Variants in B3GALNT1 observed in about 807,000 individuals in gnomAD.
B3GALNT1 encodes beta-1,3-N-acetylgalactosaminyltransferase 1 (Globoside blood group).
Under a neutral mutation model 27.3 loss-of-function variants are expected in B3GALNT1, and 17 were observed. The observed-to-expected ratio is 0.62, with a 90% confidence interval of 0.43 to 0.94. The LOEUF (loss-of-function observed/expected upper bound fraction) is 0.94. Ranked by LOEUF, B3GALNT1 falls within the 40% of genes least tolerant of loss-of-function variation. B3GALNT1 has a pLI of 0.00. For missense variants in B3GALNT1, 347 were observed against 390.0 expected (o/e 0.89, Z 0.93); for synonymous variants, 141 against 144.0 (o/e 0.98, Z 0.15).
chr3:161,099,312 G>C (rs1432728397), intron 4 of B3GALNT1, among the ~76,000 whole-genome samples: 1 of 152,174 alleles, frequency 6.6e-6, no homozygotes, highest in African/African-American at 2.4e-5. Context: ...TTCATTAAAA[G>C]ATGTAATTAC....
chr3:161,089,193 A>G (rs1484572191), intron 4 of B3GALNT1, among the ~76,000 whole-genome samples: 1 of 152,230 alleles, frequency 6.6e-6, no homozygotes, highest in African/African-American at 2.4e-5. Flanking sequence ...ATATTAATAT[A>G]GTGCAAATTA....
chr3:161,104,320 T>C lies in B3GALNT1; in HGVS notation c.-222A>G, dbSNP rs761550194. 26 of 1,289,458 alleles carry C rather than the reference T, an allele frequency of 2.0e-5. No homozygotes were observed. The South Asian group carries it at 3.2e-4, about 16-fold the overall frequency. The allele number at this position is 1,289,458 out of a possible 1,614,324, so 79.9% of individuals were successfully genotyped here. ...ACTGCAAACCCAAATTTTCCTTACC[T>C]CTGAAAACAGAAAAAAAGACATGGT... On this transcript the variant is annotated splice_region_variant and 5_prime_UTR_variant, in exon 2 of 5. Transcript: ENST00000320474.
intron 2 of B3GALNT1, 141 bp downstream of exon 2, chr3:161,104,178 T>C (rs1231754654): frequency 2.1e-6 from 1 of 475,866 alleles, no homozygotes; most frequent in East Asian, 7.1e-5. Flanking sequence ...CTGATACGCG[T>C]TCAGTAATTT....
chr3:161,088,344 T>C (rs1362604274), intron 4 of B3GALNT1, among the ~76,000 whole-genome samples: 1 of 152,232 alleles, frequency 6.6e-6, no homozygotes, highest in Non-Finnish European at 1.5e-5. Context: ...CACGTATATG[T>C]GTCTTGCCTC....
chr3:161,099,125 T>C (rs1184195292), intron 4 of B3GALNT1, among the ~76,000 whole-genome samples: 1 of 152,250 alleles, frequency 6.6e-6, no homozygotes, highest in Non-Finnish European at 1.5e-5. Context: ...CTGGGAATAG[T>C]GTTCCACAAA....
At chr3:161,104,436 T>C (rs768233412) in intron 1 of B3GALNT1, 30 bp from the exon 2 acceptor site, 9 of 1,077,530 alleles carry the variant, frequency 8.4e-6, no homozygotes, top group East Asian at 5.9e-5. Flanking sequence ...AACAAAATCA[T>C]GAAAGCCCTG....
chr3:161,088,429 C>T (rs886703147), intron 4 of B3GALNT1, among the ~76,000 whole-genome samples: 1 of 152,122 alleles, frequency 6.6e-6, no homozygotes, highest in African/African-American at 2.4e-5. Flanking sequence ...CAAAGGGAGG[C>T]CTACAGCAGG....
At position 161,097,642 on chromosome 3, in the gene B3GALNT1, G is replaced by C. The variant is rs576085249; in HGVS notation, c.-35+3497C>G. On this transcript the variant is annotated intron_variant, in intron 4 of 4. Transcript: ENST00000320474. ...TTCTGGGTTCCGCCTCTGCACATGT[G>C]CTCCCCTCTCCTGGGATCCTTCTTT... Among the ~76,000 whole-genome samples the C allele has an allele frequency of 3.9e-5, 6 of 152,252 alleles. No homozygotes were observed. The South Asian group carries it at 1.2e-3, about 32-fold the overall frequency.
In B3GALNT1 at chr3:161,085,543, A is replaced by G. The variant is rs996389864; in HGVS notation, c.*216T>C. 1 of 562,178 alleles carries G rather than the reference A, an allele frequency of 1.8e-6. No individual in the cohort carries two copies. The highest frequency in any genetic ancestry group is 2.3e-5 in the South Asian group (1 of 43,284). 34.8% of individuals were successfully genotyped at this position (562,178 alleles called of 1,614,324 possible). On this transcript the variant is annotated 3_prime_UTR_variant, in exon 5 of 5. Transcript: ENST00000320474. ...TTAATTTCTTTAGCAAAAACCTCCA[A>G]TTCCTTTATATTTAATTCCTCCACA...
At position 161,088,462 on chromosome 3, in the gene B3GALNT1, G is replaced by A. The variant is rs149383514; in HGVS notation, c.-34-1674C>T. 2.8e-3 allele frequency among the ~76,000 whole-genome samples: 425 copies of A among 152,232 alleles called. 3 individuals are homozygous for A. Among genetic ancestry groups the A allele is most frequent in the Middle Eastern group, 0.01 (3 of 294 alleles). On this transcript the variant is annotated intron_variant, in intron 4 of 4. Coordinates refer to ENST00000320474, the MANE Select transcript of B3GALNT1 (RefSeq NM_003781.4). Reference sequence around the variant, plus strand: ...AGGAGTGCAATGGACACTGAGGCTTGATATGCTATCTCCATTTGTAAAAGG... The same window carrying A: ...AGGAGTGCAATGGACACTGAGGCTTAATATGCTATCTCCATTTGTAAAAGG...
At chr3:161,086,930 C>G in intron 4 of B3GALNT1, 142 bp from the exon 5 acceptor site, 1 of 863,900 alleles carries the variant, frequency 1.2e-6, no homozygotes, top group Non-Finnish European at 1.8e-6. Flanking sequence ...GAATCTACTT[C>G]ATTTAACTGT....
rs1319292029 is a variant in B3GALNT1 at position 161,085,568 on chromosome 3, A to G, written c.*191T>C. On this transcript the variant is annotated 3_prime_UTR_variant, in exon 5 of 5. Coordinates refer to ENST00000320474, the MANE Select transcript of B3GALNT1 (RefSeq NM_003781.4). ...ATTCCTTTATATTTAATTCCTCCAC[A>G]TATCATCTTTGAAGGGCCTGACTAA... 6 of 615,736 alleles carry G rather than the reference A, an allele frequency of 9.7e-6. No homozygotes were observed. Among genetic ancestry groups the G allele is most frequent in the Non-Finnish European group, 1.7e-5 (6 of 351,086 alleles). 38.1% of individuals were successfully genotyped at this position (615,736 alleles called of 1,614,324 possible).
chr3:161,102,178 C>T (rs902957593), intron 3 of B3GALNT1, among the ~76,000 whole-genome samples: 5 of 151,892 alleles, frequency 3.3e-5, no homozygotes, highest in Admixed American at 3.3e-4. Flanking sequence ...AAAACAAACT[C>T]TGGAAACAAA....
At position 161,089,420 on chromosome 3, in the gene B3GALNT1, C is replaced by T. The variant is rs75760475; in HGVS notation, c.-34-2632G>A. ...TAACTAAAATACTAGGTAAAAATGACATGATGGCTACAAAAAGATGTTTCA... is the reference window on the plus strand; with the variant it reads ...TAACTAAAATACTAGGTAAAAATGATATGATGGCTACAAAAAGATGTTTCA... On this transcript the variant is annotated intron_variant, in intron 4 of 4. Transcript: ENST00000320474. 2.6e-5 allele frequency among the ~76,000 whole-genome samples: 4 copies of T among 152,206 alleles called. No homozygotes were observed. The East Asian group carries it at 7.7e-4, about 29-fold the overall frequency.
At chr3:161,104,134 T>C (rs1416660231) in intron 2 of B3GALNT1, 185 bp downstream of exon 2, 1 of 352,652 alleles carries the variant, frequency 2.8e-6, no homozygotes, top group Non-Finnish European at 5.3e-6. Flanking sequence ...CATAGTCTCT[T>C]ATCTGTTAGT....
At chr3:161,094,628 T>C (rs765455090) in intron 4 of B3GALNT1, among the ~76,000 whole-genome samples, 1 of 152,164 alleles carries the variant, frequency 6.6e-6, no homozygotes, top group African/African-American at 2.4e-5. Flanking sequence ...AGAGAAAATT[T>C]AGGGAATGCC....
At chr3:161,102,288 TG>T (rs1331458321) in intron 3 of B3GALNT1, among the ~76,000 whole-genome samples, 2 of 152,092 alleles carry the variant, frequency 1.3e-5, no homozygotes, top group East Asian at 3.9e-4. Flanking sequence ...ATACATGGGG[TG>T]GGAAACCGAT....
At chr3:161,100,521 C>T (rs1392190263) in intron 4 of B3GALNT1, among the ~76,000 whole-genome samples, 2 of 152,170 alleles carry the variant, frequency 1.3e-5, no homozygotes, top group African/African-American at 2.4e-5. Flanking sequence ...AGGTATAAGA[C>T]ATCTGAGTTT....
At chr3:161,095,766 A>T (rs1727820587) in intron 4 of B3GALNT1, among the ~76,000 whole-genome samples, 1 of 152,266 alleles carries the variant, frequency 6.6e-6, no homozygotes, top group Non-Finnish European at 1.5e-5. Context: ...ACAAAGCTGA[A>T]GCAAACAGCC....
Sources: gnomAD v4.1 joint callset for allele counts (sites outside exome capture counted in the v4.1 genomes callset) on GRCh38, gnomAD v4.1.1 for gene constraint, MANE v1.5 for transcripts, NCBI Gene and HGNC (gene_info 2026-07-23, HGNC 2026-07-21) for gene names.